Variants in RBFOX1 observed in about 807,000 individuals in gnomAD.
RBFOX1 encodes the protein RNA binding fox-1 homolog 1.
RBFOX1 carries 8 observed loss-of-function variants against 57.7 expected under a neutral mutation model. The observed-to-expected ratio is 0.14, with a 90% CI of 0.08 to 0.25. The LOEUF (loss-of-function observed/expected upper bound fraction) is 0.25, where lower values mean the gene tolerates loss of function less well. Among genes scored for constraint, RBFOX1 ranks in the 10% least tolerant of loss-of-function variants. RBFOX1 has a pLI of 1.00. For missense variants in RBFOX1, 611 were observed against 548.5 expected (o/e 1.11, Z -1.14); for synonymous variants, 326 against 222.4 (o/e 1.47, Z -4.15).
intron 3 of RBFOX1, among the ~76,000 whole-genome samples, chr16:6,721,462 C>T (rs1434753626): frequency 6.6e-6 from 1 of 152,048 alleles, no homozygotes; most frequent in Non-Finnish European, 1.5e-5. Flanking sequence ...AACAACAAAA[C>T]CGTGTTAACC....
chr16:5,803,748 C>T (rs1340380531), intron 3 of RBFOX1, among the ~76,000 whole-genome samples: 1 of 152,230 alleles, frequency 6.6e-6, no homozygotes, highest in Non-Finnish European at 1.5e-5. Flanking sequence ...CATTATCTAC[C>T]TTCTTGATCC....
chr16:6,187,751 A>G (rs905193259), intron 1 of RBFOX1, among the ~76,000 whole-genome samples: 42 of 152,162 alleles, frequency 2.8e-4, no homozygotes, highest in African/African-American at 9.7e-4. Flanking sequence ...TGGGATGTAG[A>G]GAGTGGGAGA....
rs1009653318 is a variant in RBFOX1, at chr16:7,051,938, A to C, written c.-15-119A>C. On this transcript the variant is annotated intron_variant, in intron 3 of 15. Coordinates refer to ENST00000550418, the MANE Select transcript of RBFOX1 (RefSeq NM_018723.4). ...AGACCTAAAGAAAAATTAAATACATAATTAATTAATTATGGGTTTTCTTTG... is the reference window on the plus strand; with the variant it reads ...AGACCTAAAGAAAAATTAAATACATCATTAATTAATTATGGGTTTTCTTTG... The C allele has an allele frequency of 5.5e-5, 77 of 1,400,926 alleles. No homozygotes were observed. The Middle Eastern group carries it at 7.8e-4, about 14-fold the overall frequency. 86.8% of individuals were successfully genotyped at this position (1,400,926 alleles called of 1,614,324 possible).
rs189507299 is a variant in RBFOX1, at chr16:6,505,299, C to G, written c.-63-149304C>G. ...AAGCTTGTAGACATTCATTTTCACC[C>G]TGATATTCATCACTCAATTGAGCTT... is the stretch of plus-strand genomic sequence containing the variant. On this transcript the variant is annotated intron_variant, in intron 2 of 15. Coordinates refer to ENST00000550418, the MANE Select transcript of RBFOX1 (RefSeq NM_018723.4). Among the ~76,000 whole-genome samples the G allele has an allele frequency of 9.2e-5, 14 of 152,228 alleles. No individual in the cohort carries two copies. The South Asian group carries it at 1.0e-3, about 11-fold the overall frequency.
chr16:7,353,633 G>A (rs886941684), intron 4 of RBFOX1, among the ~76,000 whole-genome samples: 1 of 152,184 alleles, frequency 6.6e-6, no homozygotes, highest in African/African-American at 2.4e-5. Flanking sequence ...GGTATAAAAT[G>A]AAATGATGTC....
chr16:7,313,355 A>G (rs2096363906), intron 4 of RBFOX1, among the ~76,000 whole-genome samples: 1 of 152,084 alleles, frequency 6.6e-6, no homozygotes, highest in Non-Finnish European at 1.5e-5. Context: ...TCTTTTCTTC[A>G]TGGTGCAGTG....
chr16:6,855,999 T>C (rs1296075804), intron 3 of RBFOX1, among the ~76,000 whole-genome samples: 1 of 152,108 alleles, frequency 6.6e-6, no homozygotes, highest in African/African-American at 2.4e-5. Context: ...CTATTGATCC[T>C]CCATCTTCCC....
intron 1 of RBFOX1, among the ~76,000 whole-genome samples, chr16:6,026,142 A>T (rs1351377983): frequency 6.6e-6 from 1 of 152,168 alleles, no homozygotes; most frequent in Non-Finnish European, 1.5e-5. Context: ...TTTTACAGCC[A>T]TCCCAGGGGC....
intron 3 of RBFOX1, among the ~76,000 whole-genome samples, chr16:6,884,947 G>T (rs1002363874): frequency 2.0e-5 from 3 of 152,064 alleles, no homozygotes; most frequent in Non-Finnish European, 2.9e-5. Context: ...GTGTTAAATC[G>T]TAAAACTGAG....
chr16:7,710,474 T>A, intron 15 of RBFOX1, 149 bp from the exon 16 acceptor site: 8 of 1,513,174 alleles, frequency 5.3e-6, no homozygotes, highest in Non-Finnish European at 7.0e-6. Flanking sequence ...GCCCTATCTT[T>A]AGTTCTCCAA....
chr16:6,424,809 A>C lies in RBFOX1; in HGVS notation c.-64+107752A>C, dbSNP rs895535822. Among the ~76,000 whole-genome samples, 23 of 152,154 alleles carry C rather than the reference A, an allele frequency of 1.5e-4. 1 individual carries two copies. The highest frequency in any genetic ancestry group is 1.5e-3 in the Admixed American group (23 of 15,264). ...TTGCAACCATGGTAAATAATGCCTT[A>C]GGTTAAGGTTCAATGGGATGGAAGA... On this transcript the variant is annotated intron_variant, in intron 2 of 15. Coordinates refer to ENST00000550418, the MANE Select transcript of RBFOX1 (RefSeq NM_018723.4).
At chr16:5,883,346 A>T (rs1355939842) in intron 4 of RBFOX1, among the ~76,000 whole-genome samples, 1 of 152,226 alleles carries the variant, frequency 6.6e-6, no homozygotes, top group Non-Finnish European at 1.5e-5. Context: ...AAACCAATAA[A>T]CAATAACAAC....
intron 2 of RBFOX1, among the ~76,000 whole-genome samples, chr16:5,482,913 C>A (rs1466927826): frequency 6.6e-6 from 1 of 152,148 alleles, no homozygotes; most frequent in Non-Finnish European, 1.5e-5. Context: ...GAAAAGAATC[C>A]TTATTCTTTA....
chr16:5,563,779 T>A (rs559432692), intron 2 of RBFOX1, among the ~76,000 whole-genome samples: 67 of 152,316 alleles, frequency 4.4e-4, no homozygotes, highest in African/African-American at 1.5e-3. Context: ...CTATAGCATA[T>A]TTTGGAACAT....
intron 1 of RBFOX1, among the ~76,000 whole-genome samples, chr16:6,266,359 A>C (rs1333518041): frequency 6.6e-6 from 1 of 152,206 alleles, no homozygotes; most frequent in East Asian, 1.9e-4. Context: ...CTCAGAAGCC[A>C]TTTCTTTGTA....
chr16:7,423,041 C>G (rs1213375660), intron 4 of RBFOX1: 1 of 151,864 alleles, frequency 6.6e-6, no homozygotes, highest in Admixed American at 6.6e-5. Flanking sequence ...GAGTTTATCT[C>G]TTCCCTTCGG....
chr16:5,565,627 C>CATAAATAAATAA lies in RBFOX1; in HGVS notation c.259-33242_259-33231dup, dbSNP rs55680549. Among the ~76,000 whole-genome samples the CATAAATAAATAA allele has an allele frequency of 5.9e-3, 848 of 142,816 alleles. 4 individuals carry two copies. Among genetic ancestry groups the CATAAATAAATAA allele is most frequent in the South Asian group, 8.8e-3 (37 of 4,196 alleles). The allele number at this position is 142,816 out of a possible 152,430, so 93.7% of individuals were successfully genotyped here. On this transcript the variant is annotated intron_variant, in intron 2 of 2. Transcript: ENST00000585867. Reference sequence around the variant, plus strand: ...GCAATAAGAGCGAAACTCTGCCTTACATAAATAAATAAATAAATAAATAAA... The same window carrying CATAAATAAATAA: ...GCAATAAGAGCGAAACTCTGCCTTACATAAATAAATAAATAAATAAATAAATAAATAAATAAA...
rs553983685 is a variant in RBFOX1 at position 6,950,560 on chromosome 16, T to C, written c.-15-101497T>C. Among the ~76,000 whole-genome samples, 3 of 152,292 alleles carry C rather than the reference T, an allele frequency of 2.0e-5. No homozygotes were observed. In the East Asian group the frequency reaches 5.8e-4, roughly 29 times the overall value. On this transcript the variant is annotated intron_variant, in intron 3 of 15. Coordinates refer to ENST00000550418, the MANE Select transcript of RBFOX1 (RefSeq NM_018723.4). ...TTATTTCCAGGCTTAGAAATGAATG[T>C]GTGTTAGGAGACTTATTTCCATAGC...
intron 4 of RBFOX1, among the ~76,000 whole-genome samples, chr16:7,223,093 A>T (rs988650846): frequency 6.6e-6 from 1 of 152,202 alleles, no homozygotes; most frequent in African/African-American, 2.4e-5. Context: ...AGCCTGGGAG[A>T]CTAGCAACTG....
Sources: allele counts gnomAD v4.1 joint callset (sites outside exome capture counted in the v4.1 genomes callset), GRCh38; gene constraint gnomAD v4.1.1; transcripts MANE v1.5; gene names NCBI Gene and HGNC (gene_info 2026-07-23, HGNC 2026-07-21).